SSH2: variants seen among roughly 807,000 people sequenced by gnomAD.
SSH2 encodes the protein protein phosphatase Slingshot homolog 2.
A neutral mutation model predicts 135.2 loss-of-function variants in SSH2; 37 were observed. That is an observed-to-expected ratio of 0.27 (90% CI 0.21 to 0.36). The LOEUF is 0.36. SSH2 is among the 10% of genes least tolerant of loss of function. The pLI is 1.00. For missense variants in SSH2, 1,408 were observed against 1,765.3 expected, an observed-to-expected ratio of 0.80 and a Z score of 3.63; for synonymous variants, 628 against 646.2, an observed-to-expected ratio of 0.97 and a Z score of 0.43.
chr17:29,788,973 C>T (rs1192363318), intron 3 of SSH2, among the ~76,000 whole-genome samples: 3 of 152,112 alleles, frequency 2.0e-5, no homozygotes, highest in African/African-American at 4.8e-5. Flanking sequence ...CCCTTTCTGA[C>T]GAAGGCTCAG....
intron 3 of SSH2, among the ~76,000 whole-genome samples, chr17:29,772,016 G>GCAAAATTTTGCAAAAAT (rs1277817667): frequency 5.9e-5 from 9 of 152,028 alleles, no homozygotes; most frequent in Non-Finnish European, 8.8e-5. Flanking sequence ...AAACCAACAA[G>GCAAAATTTTGCAAAAAT]TATGCAAAAA....
intron 2 of SSH2, among the ~76,000 whole-genome samples, chr17:29,814,423 ACT>A (rs1415012356): frequency 8.8e-6 from 1 of 113,378 alleles, no homozygotes; most frequent in Non-Finnish European, 1.7e-5. Context: ...ACAGAGCAAG[ACT>A]CTGTCTCAAA....
chr17:29,929,874 C>A, intron 1 of SSH2, 64 bp downstream of exon 1: 1 of 1,473,468 alleles, frequency 6.8e-7, no homozygotes. Context: ...TCGGCGGGAC[C>A]CGCTGAGGCA....
chr17:29,773,906 G>T (rs907628219), intron 3 of SSH2, among the ~76,000 whole-genome samples: 1 of 152,196 alleles, frequency 6.6e-6, no homozygotes, highest in East Asian at 1.9e-4. Context: ...CTGACCTCAG[G>T]TGATCCACCT....
Position 29,893,304 on chromosome 17 carries a change from T to TG in SSH2, c.63+36633dup, listed in dbSNP as rs749976583. On this transcript the variant is annotated intron_variant, in intron 1 of 15. Transcript: ENST00000540801. ...AATTTAGGCAAAAAAAAAGGGGGGGTGGGGGAGAATTGCTATAGTCTGAAT... is the reference window on the plus strand; with the variant it reads ...AATTTAGGCAAAAAAAAAGGGGGGGTGGGGGGAGAATTGCTATAGTCTGAAT... Among the ~76,000 whole-genome samples, 68 of 149,742 alleles carry TG rather than the reference T, an allele frequency of 4.5e-4. No individual in the cohort carries two copies. In the East Asian group the frequency reaches 5.3e-3, roughly 12 times the overall value.
intron 2 of SSH2, among the ~76,000 whole-genome samples, chr17:29,817,634 C>A (rs533230449): frequency 2.0e-5 from 3 of 152,208 alleles, no homozygotes; most frequent in Non-Finnish European, 4.4e-5. Flanking sequence ...AGTCATCCCT[C>A]CATATCCATG....
chr17:29,651,404 T>C (rs1371164267), intron 12 of SSH2, among the ~76,000 whole-genome samples: 1 of 152,362 alleles, frequency 6.6e-6, no homozygotes, highest in East Asian at 1.9e-4. Context: ...CTCATTTGAC[T>C]GCATTACTGG....
At chr17:29,750,129 A>G (rs1368976040) in intron 3 of SSH2, among the ~76,000 whole-genome samples, 1 of 152,096 alleles carries the variant, frequency 6.6e-6, no homozygotes, top group East Asian at 1.9e-4. Context: ...TTTTGTAATA[A>G]TACTTAGCTT....
intron 3 of SSH2, among the ~76,000 whole-genome samples, chr17:29,729,341 A>G (rs1030073369): frequency 6.6e-6 from 1 of 152,238 alleles, no homozygotes; most frequent in Non-Finnish European, 1.5e-5. Context: ...ACAATGAGAT[A>G]TCATCTTATC....
chr17:29,671,272 G>A (rs891598985), intron 9 of SSH2, among the ~76,000 whole-genome samples: 8 of 152,070 alleles, frequency 5.3e-5, no homozygotes. Context: ...GAGGCCAGGA[G>A]TTTAAGACCA....
Position 29,648,244 on chromosome 17 carries a change from C to G in SSH2, c.1327G>C (p.Asp443His). 1 of 1,614,152 alleles carries G rather than the reference C, an allele frequency of 6.2e-7. No individual in the cohort carries two copies. The highest frequency in any genetic ancestry group is 8.5e-7 in the Non-Finnish European group (1 of 1,180,026). ...TCTTTCACATAGTCATAGGCTCGGTCCAGATTCCAGCCATATTCCTTCATT... is the reference window on the plus strand; with the variant it reads ...TCTTTCACATAGTCATAGGCTCGGTGCAGATTCCAGCCATATTCCTTCATT... ...YAMKEYGWNL[D>H]RAYDYVKERR... The change falls in exon 14 of 16, where the codon GAC becomes CAC. Residue 443 changes from aspartate to histidine, a missense_variant. By Grantham distance (81) the Asp-to-His change is moderately conservative (BLOSUM62 -1). Transcript: ENST00000540801.
chr17:29,724,460 G>A (rs1408223696), intron 3 of SSH2, among the ~76,000 whole-genome samples: 24 of 146,178 alleles, frequency 1.6e-4, no homozygotes, highest in African/African-American at 5.1e-4. Flanking sequence ...CCCGGGAGGC[G>A]GAGGTTACAG....
At chr17:29,675,572 C>A (rs147260195) in intron 8 of SSH2, among the ~76,000 whole-genome samples, 2 of 151,752 alleles carry the variant, frequency 1.3e-5, no homozygotes, top group Admixed American at 6.6e-5. Flanking sequence ...GGCAGGAGGA[C>A]GGCTTGAGGC....
intron 3 of SSH2, among the ~76,000 whole-genome samples, chr17:29,708,272 G>A (rs1567902164): frequency 6.6e-6 from 1 of 152,046 alleles, no homozygotes; most frequent in Non-Finnish European, 1.5e-5. Flanking sequence ...AATTGACAAG[G>A]AGTTGTCAAT....
At chr17:29,872,482 T>C (rs1174704044) in intron 1 of SSH2, among the ~76,000 whole-genome samples, 1 of 152,188 alleles carries the variant, frequency 6.6e-6, no homozygotes, top group Non-Finnish European at 1.5e-5. Context: ...AGTCCTGGCA[T>C]GGTGGCTTAC....
At chr17:29,805,691 T>A (rs530155918) in intron 2 of SSH2, among the ~76,000 whole-genome samples, 4 of 152,056 alleles carry the variant, frequency 2.6e-5, no homozygotes, top group Non-Finnish European at 5.9e-5. Context: ...TCGGAATCAG[T>A]ACATTAAAAA....
intron 3 of SSH2, among the ~76,000 whole-genome samples, chr17:29,722,887 G>C (rs2039868683): frequency 6.6e-6 from 1 of 152,252 alleles, no homozygotes; most frequent in Non-Finnish European, 1.5e-5. Context: ...GGTGGAGCCT[G>C]AGAGAAAGTG....
At chr17:29,654,802 G>A (rs950845888) in intron 12 of SSH2, among the ~76,000 whole-genome samples, 7 of 152,098 alleles carry the variant, frequency 4.6e-5, no homozygotes, top group African/African-American at 1.4e-4. Flanking sequence ...TCAGAAGCTT[G>A]TCCAGTTCAC....
chr17:29,909,286 C>T (rs2066721821), intron 1 of SSH2, among the ~76,000 whole-genome samples: 1 of 151,888 alleles, frequency 6.6e-6, no homozygotes, highest in South Asian at 2.1e-4. Context: ...TTTTTACTAA[C>T]AAACAATATT....
Sources: gnomAD v4.1 joint callset for allele counts (sites outside exome capture counted in the v4.1 genomes callset) on GRCh38, gnomAD v4.1.1 for gene constraint, MANE v1.5 for transcripts, NCBI Gene and HGNC (gene_info 2026-07-23, HGNC 2026-07-21) for gene names.